The following LTAP1 variants were observed in gnomAD, a reference collection of about 807,000 sequenced individuals.
LTAP1 encodes HCV NS5A-transactivated protein 4.
chr1:154,214,386 A>G, the LTAP1 span: 410 of 1,006,678 alleles, frequency 4.1e-4, 1 homozygote, highest in African/African-American at 6.0e-3. Context: ...AGCTTTTGAC[A>G]ACTCTGAGAG....
At chr1:154,211,088 C>A in the LTAP1 span, among the ~76,000 whole-genome samples, 6 of 151,636 alleles carry the variant, frequency 4.0e-5, no homozygotes, top group African/African-American at 1.5e-4. Flanking sequence ...CTCATTGCAA[C>A]CTCCACCTCC....
At chr1:154,220,386 G>A in the LTAP1 span, 1 of 1,614,230 alleles carries the variant, frequency 6.2e-7, no homozygotes, top group Non-Finnish European at 8.5e-7. Flanking sequence ...ACCCCGGAGA[G>A]CCAGTTACTG....
the LTAP1 span, chr1:154,220,572 A>C: frequency 1.5e-6 from 1 of 681,616 alleles, no homozygotes; most frequent in South Asian, 1.8e-5. Flanking sequence ...GCGGACAGGC[A>C]GGAGAGCTGG....
the LTAP1 span, chr1:154,220,489 G>T: frequency 6.5e-7 from 1 of 1,528,734 alleles, no homozygotes; most frequent in Non-Finnish European, 9.1e-7. Context: ...AAGCGACGGC[G>T]CCTGGGTCCC....
the LTAP1 span, chr1:154,213,917 C>A: frequency 6.2e-7 from 1 of 1,613,062 alleles, no homozygotes; most frequent in Non-Finnish European, 8.5e-7. Flanking sequence ...GCATCCAGAG[C>A]TTTCATCCTA....
the LTAP1 span, chr1:154,214,631 A>C: frequency 2.7e-6 from 3 of 1,093,202 alleles, no homozygotes; most frequent in Non-Finnish European, 4.1e-6. Context: ...CTTTCCACCA[A>C]TGTGAAAATG....
chr1:154,210,321 G>A, the LTAP1 span, among the ~76,000 whole-genome samples: 1 of 152,198 alleles, frequency 6.6e-6, no homozygotes, highest in African/African-American at 2.4e-5. Context: ...TTATAGACGT[G>A]AGCCACTGCT....
the LTAP1 span, chr1:154,213,804 C>CA: frequency 3.7e-6 from 4 of 1,075,152 alleles, no homozygotes; most frequent in Middle Eastern, 2.1e-4. Flanking sequence ...GCAGAAAGGA[C>CA]AAATCCTAAC....
At chr1:154,212,599 C>A in the LTAP1 span, 1 of 1,614,088 alleles carries the variant, frequency 6.2e-7, no homozygotes, top group Non-Finnish European at 8.5e-7. Flanking sequence ...AACGGGGATG[C>A]CGGCCTTCAG....
At chr1:154,214,545 G>A in the LTAP1 span, 1 of 1,613,536 alleles carries the variant, frequency 6.2e-7, no homozygotes, top group South Asian at 1.1e-5. Context: ...GAACCCTGGA[G>A]AGTCGAATAT....
At chr1:154,206,783 G>T in the LTAP1 span, 1 of 156,582 alleles carries the variant, frequency 6.4e-6, no homozygotes, top group Non-Finnish European at 1.4e-5. Flanking sequence ...CATTGGGCTT[G>T]TTAGGGGAAA....
chr1:154,212,746 C>G, the LTAP1 span: 676 of 1,051,866 alleles, frequency 6.4e-4, no homozygotes, highest in Non-Finnish European at 8.6e-4. Context: ...ACTGCAACCT[C>G]CACCTCCTAG....
the LTAP1 span, among the ~76,000 whole-genome samples, chr1:154,215,695 A>G: frequency 6.6e-6 from 1 of 152,218 alleles, no homozygotes; most frequent in Non-Finnish European, 1.5e-5. Context: ...TTTTGTTGTA[A>G]CTTTTTACAA....
the LTAP1 span, chr1:154,212,218 A>G: frequency 5.7e-6 from 7 of 1,219,512 alleles, no homozygotes; most frequent in African/African-American, 7.5e-5. Flanking sequence ...CTCTTATGGT[A>G]TCATGGATTT....
the LTAP1 span, chr1:154,214,614 C>T: frequency 5.3e-6 from 7 of 1,324,696 alleles, no homozygotes; most frequent in African/African-American, 8.7e-5. Context: ...ATTTACCCTG[C>T]ACTCTGCTTT....
At chr1:154,212,286 C>T in the LTAP1 span, 17 of 1,611,624 alleles carry the variant, frequency 1.1e-5, no homozygotes, top group Non-Finnish European at 1.4e-5. Context: ...ACTACTGTAC[C>T]AGCTCCCTCT....
the LTAP1 span, among the ~76,000 whole-genome samples, chr1:154,216,155 T>C: frequency 6.6e-6 from 1 of 151,882 alleles, no homozygotes; most frequent in Non-Finnish European, 1.5e-5. Flanking sequence ...AACTTTCAAG[T>C]CTTGTGTGCC....
At chr1:154,220,271 G>A in the LTAP1 span, 2 of 1,558,460 alleles carry the variant, frequency 1.3e-6, no homozygotes, top group East Asian at 4.5e-5. Context: ...TGCAGACGGG[G>A]TACAGCTCAA....
the LTAP1 span, among the ~76,000 whole-genome samples, chr1:154,215,517 G>C: frequency 6.7e-6 from 1 of 149,538 alleles, no homozygotes; most frequent in Non-Finnish European, 1.5e-5. Flanking sequence ...AGTGAGCCGA[G>C]ATTGCGCCAC....
Sources: allele counts gnomAD v4.1 joint callset (sites outside exome capture counted in the v4.1 genomes callset), GRCh38; gene constraint gnomAD v4.1.1; transcripts MANE v1.5; gene names NCBI Gene and HGNC (gene_info 2026-07-23, HGNC 2026-07-21).